Variants in CDH23 observed in about 807,000 individuals in gnomAD.
CDH23 encodes cadherin related 23, also known as cadherin-23.
CDH23 carries 189 observed loss-of-function variants against 317.1 expected under a neutral mutation model. That is an observed-to-expected ratio of 0.60 (90% CI 0.53 to 0.67). The LOEUF (loss-of-function observed/expected upper bound fraction) is 0.67. CDH23 is among the 30% of genes least tolerant of loss of function. The probability of loss-of-function intolerance (pLI) is 0.00; values close to 1 mark genes in which losing one functional copy is unlikely to be tolerated. For synonymous variants in CDH23, 1,839 were observed against 1,876.8 expected (o/e 0.98, Z 0.52); for missense variants, 4,401 against 4,592.4 (o/e 0.96, Z 1.20).
At chr10:71,736,303 G>A (rs1188275382) in intron 34 of CDH23, among the ~76,000 whole-genome samples, 5 of 152,232 alleles carry the variant, frequency 3.3e-5, no homozygotes, top group Non-Finnish European at 5.9e-5. Flanking sequence ...CACTGTTTGA[G>A]GTGCTAGGGT....
chr10:71,703,962 C>A (rs559178642), intron 24 of CDH23, among the ~76,000 whole-genome samples: 7 of 152,338 alleles, frequency 4.6e-5, no homozygotes, highest in Admixed American at 3.9e-4. Flanking sequence ...CTCACATACA[C>A]GATGAGGGCC....
At chr10:71,583,119 A>C (rs557470605) in intron 9 of CDH23, among the ~76,000 whole-genome samples, 8 of 152,014 alleles carry the variant, frequency 5.3e-5, no homozygotes, top group Non-Finnish European at 1.0e-4. Flanking sequence ...AGGAGTAGGA[A>C]TTTGCCGGAA....
At chr10:71,738,734 C>G in intron 35 of CDH23, 87 bp downstream of exon 35, 1 of 1,467,082 alleles carries the variant, frequency 6.8e-7, no homozygotes, top group South Asian at 1.3e-5. Context: ...CTGAGCCACC[C>G]CCATCACCAA....
intron 3 of CDH23, among the ~76,000 whole-genome samples, chr10:71,454,434 C>T (rs78292337): frequency 0.038 from 5,856 of 152,312 alleles, 163 homozygotes; most frequent in Middle Eastern, 0.068. Context: ...GCTGAAGAAA[C>T]TGCCTCTGGC....
At chr10:71,693,911 T>G (rs1232285362) in intron 20 of CDH23, among the ~76,000 whole-genome samples, 1 of 151,874 alleles carries the variant, frequency 6.6e-6, no homozygotes, top group Non-Finnish European at 1.5e-5. Flanking sequence ...TATTTCCTCC[T>G]CATGGGGTTA....
chr10:71,576,231 A>C (rs57227860), intron 8 of CDH23, among the ~76,000 whole-genome samples: 1 of 152,132 alleles, frequency 6.6e-6, no homozygotes, highest in East Asian at 1.9e-4. Context: ...CCTGCTCTGC[A>C]TGTGTGTCTG....
chr10:71,402,209 A>T (rs1315900948), intron 1 of CDH23, among the ~76,000 whole-genome samples: 1 of 152,202 alleles, frequency 6.6e-6, no homozygotes, highest in Non-Finnish European at 1.5e-5. Flanking sequence ...GGTGAGGGGA[A>T]TGGGAATATC....
intron 3 of CDH23, among the ~76,000 whole-genome samples, chr10:71,471,889 A>G (rs1851534191): frequency 6.6e-6 from 1 of 152,104 alleles, no homozygotes; most frequent in African/African-American, 2.4e-5. Context: ...ATGTACACAC[A>G]TCCTACGTGG....
chr10:71,644,146 C>A (rs1174407024), intron 12 of CDH23, among the ~76,000 whole-genome samples: 1 of 152,256 alleles, frequency 6.6e-6, no homozygotes, highest in Admixed American at 6.5e-5. Context: ...GCGCTGCAAC[C>A]TCCACAGCCT....
intron 33 of CDH23, 115 bp from the exon 34 acceptor site, chr10:71,734,541 G>A (rs562760731): frequency 4.4e-6 from 7 of 1,606,604 alleles, no homozygotes; most frequent in Non-Finnish European, 5.9e-6. Flanking sequence ...GCAGGTGGAG[G>A]GTGGCACCTC....
At chr10:71,772,541 T>C (rs1383735864) in intron 38 of CDH23, among the ~76,000 whole-genome samples, 2 of 152,254 alleles carry the variant, frequency 1.3e-5, no homozygotes, top group Non-Finnish European at 2.9e-5. Flanking sequence ...GCCAGGATAC[T>C]ATCTGAACAT....
Position 71,751,786 on chromosome 10 carries a change from C to G in CDH23, c.4845+9865C>G. ...GCTGGGCCACATAGGACAGGGGGTG[C>G]CTGACTTTGGCCTCGGGTATCCCCT... On this transcript the variant is annotated intron_variant, in intron 38 of 69. Transcript: ENST00000224721. The surrounding 1 kb of genome is among the most constrained non-coding windows in gnomAD (Gnocchi z 4.9). 2 of 1,599,660 alleles carry G rather than the reference C, an allele frequency of 1.3e-6. No individual in the cohort carries two copies. The highest frequency in any genetic ancestry group is 2.2e-5 in the East Asian group (1 of 44,502).
intron 3 of CDH23, among the ~76,000 whole-genome samples, chr10:71,503,582 A>G (rs1219897037): frequency 6.6e-6 from 1 of 152,204 alleles, no homozygotes; most frequent in African/African-American, 2.4e-5. Context: ...ATGACAAGGA[A>G]TAGGCAGGTC....
intron 38 of CDH23, among the ~76,000 whole-genome samples, chr10:71,743,785 T>C (rs1350591785): frequency 2.0e-5 from 3 of 152,230 alleles, no homozygotes; most frequent in Non-Finnish European, 4.4e-5. Context: ...AGAAACTGAC[T>C]ATGGAGTCAT....
intron 1 of CDH23, among the ~76,000 whole-genome samples, chr10:71,401,247 C>T (rs183574528): frequency 1.2e-3 from 178 of 152,236 alleles, no homozygotes; most frequent in African/African-American, 4.0e-3. Flanking sequence ...GTGGCTGGTG[C>T]GGGTGGGCTG....
At chr10:71,438,570 C>T (rs1028551324) in intron 1 of CDH23, among the ~76,000 whole-genome samples, 1 of 152,090 alleles carries the variant, frequency 6.6e-6, no homozygotes, top group Non-Finnish European at 1.5e-5. Context: ...TGAGGCCTCT[C>T]CAAGTCCAGA....
intron 45 of CDH23, 150 bp downstream of exon 45, chr10:71,789,192 T>C (rs978558108): frequency 1.0e-5 from 6 of 585,986 alleles, no homozygotes; most frequent in South Asian, 2.1e-5. Context: ...CTCCGGGAGA[T>C]GGTGGGCTGG....
chr10:71,561,480 T>A (rs1857128073), intron 6 of CDH23, among the ~76,000 whole-genome samples: 1 of 152,142 alleles, frequency 6.6e-6, no homozygotes, highest in Non-Finnish European at 1.5e-5. Context: ...TCACACTGCA[T>A]GTGAGAAGTG....
intron 6 of CDH23, among the ~76,000 whole-genome samples, chr10:71,538,288 C>T (rs1855812501): frequency 6.6e-6 from 1 of 152,184 alleles, no homozygotes; most frequent in East Asian, 1.9e-4. Flanking sequence ...CCACCAGGTC[C>T]CCCAGTGAGG....
Sources: gnomAD v4.1 joint callset for allele counts (sites outside exome capture counted in the v4.1 genomes callset) on GRCh38, gnomAD v4.1.1 for gene constraint, Gnocchi (gnomAD v3.1) non-coding constraint, MANE v1.5 for transcripts, NCBI Gene and HGNC (gene_info 2026-07-23, HGNC 2026-07-21) for gene names.